The following CACNA1E variants were observed in gnomAD, a reference collection of about 807,000 sequenced individuals.
The protein encoded by CACNA1E is voltage-dependent R-type calcium channel subunit alpha-1E.
In CACNA1E, 40 loss-of-function variants were observed where a neutral mutation model predicts 259.2. The ratio of observed to expected loss-of-function variants is 0.15; its 90% CI spans 0.12 to 0.20. The LOEUF is 0.20. CACNA1E is among the 10% of genes least tolerant of loss of function. CACNA1E has a pLI of 1.00. For missense variants in CACNA1E, 1,874 were observed against 3,040.1 expected (o/e 0.62, Z 9.02); for synonymous variants, 1,104 against 1,138.5 (o/e 0.97, Z 0.61).
At chr1:181,530,161 G>A (rs970447714) in intron 3 of CACNA1E, among the ~76,000 whole-genome samples, 5 of 152,164 alleles carry the variant, frequency 3.3e-5, no homozygotes, top group African/African-American at 1.2e-4. Flanking sequence ...AAGATCTGAT[G>A]GGTTTATCGG....
chr1:181,604,356 T>G (rs12043889), intron 6 of CACNA1E, among the ~76,000 whole-genome samples: 80 of 152,274 alleles, frequency 5.3e-4, no homozygotes, highest in South Asian at 3.1e-3. Context: ...CATAGAACTT[T>G]CCCCTCTTCT....
Position 181,596,913 on chromosome 1 carries a change from G to A in CACNA1E, c.951+16137G>A, listed in dbSNP as rs140293122. Among the ~76,000 whole-genome samples the A allele has an allele frequency of 8.5e-5, 13 of 152,090 alleles. 1 individual carries two copies. In the East Asian group the frequency reaches 1.6e-3, roughly 18 times the overall value. On this transcript the variant is annotated intron_variant, in intron 6 of 47. Transcript: ENST00000367573. ...CTGGTTTTGGGGTAGGGGCCTAGGT[G>A]TCCAAAAAAGGAGGAAGGAGATGCT...
chr1:181,739,447 A>C (rs1392351575), intron 25 of CACNA1E, among the ~76,000 whole-genome samples, 194 bp downstream of exon 25: 1 of 152,186 alleles, frequency 6.6e-6, no homozygotes, highest in Non-Finnish European at 1.5e-5. Context: ...CCTGAGTGGC[A>C]GAACGGGGGA....
chr1:181,446,791 A>G (rs980336232), intron 2 of CACNA1E, among the ~76,000 whole-genome samples: 2 of 152,042 alleles, frequency 1.3e-5, no homozygotes, highest in Non-Finnish European at 2.9e-5. Context: ...TCACTGAGAA[A>G]GCTCTTCTGG....
chr1:181,603,020 A>G (rs1163998173), intron 6 of CACNA1E, among the ~76,000 whole-genome samples: 1 of 152,172 alleles, frequency 6.6e-6, no homozygotes, highest in Non-Finnish European at 1.5e-5. Flanking sequence ...CACCTCATTC[A>G]GGTGCCGTAA....
chr1:181,455,564 A>T (rs565970576), intron 2 of CACNA1E, among the ~76,000 whole-genome samples: 1 of 152,194 alleles, frequency 6.6e-6, no homozygotes, highest in African/African-American at 2.4e-5. Flanking sequence ...GCTCCTTTCA[A>T]TTAACCAGGT....
At chr1:181,542,679 C>T (rs1383414404) in intron 3 of CACNA1E, among the ~76,000 whole-genome samples, 1 of 151,938 alleles carries the variant, frequency 6.6e-6, no homozygotes, top group Non-Finnish European at 1.5e-5. Context: ...CCTCCCCAGC[C>T]ACGCTGAACT....
chr1:181,715,280 T>A, intron 8 of CACNA1E, 58 bp from the exon 9 acceptor site: 1 of 1,057,698 alleles, frequency 9.5e-7, no homozygotes, highest in East Asian at 2.5e-5. Context: ...GGGATTTTAA[T>A]CTTGCAGAAT....
chr1:181,614,814 A>G (rs1438232454), intron 6 of CACNA1E, among the ~76,000 whole-genome samples: 1 of 152,206 alleles, frequency 6.6e-6, no homozygotes, highest in African/African-American at 2.4e-5. Flanking sequence ...TTGTGCATTC[A>G]TGACATACCT....
chr1:181,502,022 T>TGGAGTA (rs939851366), intron 1 of CACNA1E, among the ~76,000 whole-genome samples: 1 of 152,166 alleles, frequency 6.6e-6, no homozygotes, highest in African/African-American at 2.4e-5. Flanking sequence ...TGGGACAGTA[T>TGGAGTA]GGAGTAGGCA....
chr1:181,352,338 G>A (rs767619599), intron 1 of CACNA1E, among the ~76,000 whole-genome samples: 16 of 152,230 alleles, frequency 1.1e-4, no homozygotes, highest in Non-Finnish European at 2.1e-4. Flanking sequence ...GGGTGGGGAG[G>A]GGTGAGTACT....
chr1:181,782,167 C>T (rs1315046646), intron 39 of CACNA1E, among the ~76,000 whole-genome samples: 1 of 152,236 alleles, frequency 6.6e-6, no homozygotes, highest in African/African-American at 2.4e-5. Flanking sequence ...CTACCCAATT[C>T]TCTTGGAAAT....
chr1:181,384,716 G>A (rs1445282129), intron 1 of CACNA1E, among the ~76,000 whole-genome samples: 1 of 151,974 alleles, frequency 6.6e-6, no homozygotes. Context: ...TGGTGTTCCC[G>A]GTACAAGCCC....
At chr1:181,473,833 C>T (rs1363509080) in intron 2 of CACNA1E, among the ~76,000 whole-genome samples, 1 of 152,186 alleles carries the variant, frequency 6.6e-6, no homozygotes, top group Non-Finnish European at 1.5e-5. Flanking sequence ...TGATCTTTTG[C>T]TATGTCACCC....
chr1:181,706,996 G>T (rs1321844716), intron 7 of CACNA1E, among the ~76,000 whole-genome samples: 2 of 152,084 alleles, frequency 1.3e-5, no homozygotes, highest in African/African-American at 4.8e-5. Context: ...GTTAAGCTTC[G>T]CTGACCCTTG....
Position 181,609,215 on chromosome 1 carries a change from GA to G in CACNA1E, c.951+28442del, listed in dbSNP as rs142481843. Among the ~76,000 whole-genome samples, 764 of 152,354 alleles carry G rather than the reference GA, an allele frequency of 5.0e-3. 4 individuals are homozygous for G. The highest frequency in any genetic ancestry group is 8.8e-3 in the Non-Finnish European group (598 of 68,018). On this transcript the variant is annotated intron_variant, in intron 6 of 47. Transcript: ENST00000367573. ...CATCAGGATCACGTGGAAAGAAAGT[GA>G]AATGCTGGCGGTGCCCCCTGGGTGT...
intron 3 of CACNA1E, among the ~76,000 whole-genome samples, chr1:181,542,116 C>T (rs937311661): frequency 2.0e-5 from 3 of 152,146 alleles, no homozygotes; most frequent in Non-Finnish European, 4.4e-5. Flanking sequence ...ATGAGTAAGC[C>T]GTCCTGGAAA....
rs115781516 is a variant in CACNA1E at position 181,790,753 on chromosome 1, A to G, written c.5898+197A>G. 0.02 allele frequency among the ~76,000 whole-genome samples: 2,972 copies of G among 152,248 alleles called. 95 individuals are homozygous for G. The highest frequency in any genetic ancestry group is 0.067 in the African/African-American group (2,771 of 41,530). On this transcript the variant is annotated intron_variant, in intron 44 of 47. Coordinates refer to ENST00000367573, the MANE Select transcript of CACNA1E (RefSeq NM_001205293.3). ...TGACAATGTTCCCTCTTCAGGTTTTACAGTCCCAGAGGTCCCTTCCCTGCA... is the reference window on the plus strand; with the variant it reads ...TGACAATGTTCCCTCTTCAGGTTTTGCAGTCCCAGAGGTCCCTTCCCTGCA...
intron 1 of CACNA1E, among the ~76,000 whole-genome samples, chr1:181,345,455 G>A (rs912322595): frequency 4.6e-5 from 7 of 152,206 alleles, no homozygotes; most frequent in African/African-American, 1.7e-4. Flanking sequence ...GGGCCAGGGG[G>A]CTGCGCCTGG....
Sources: gnomAD v4.1 joint callset for allele counts (sites outside exome capture counted in the v4.1 genomes callset) on GRCh38, gnomAD v4.1.1 for gene constraint, MANE v1.5 for transcripts, NCBI Gene and HGNC (gene_info 2026-07-23, HGNC 2026-07-21) for gene names.